TAS2R1: variants seen among roughly 807,000 people sequenced by gnomAD.
The protein encoded by TAS2R1 is taste 2 receptor member 1.
For missense variants in TAS2R1, 370 were observed against 353.4 expected (o/e 1.05, Z -0.38); for synonymous variants, 141 against 134.2 (o/e 1.05, Z -0.35).
At chr5:9,892,872 CCTTAT>C in the TAS2R1 span, among the ~76,000 whole-genome samples, 1 of 152,132 alleles carries the variant, frequency 6.6e-6, no homozygotes, top group African/African-American at 2.4e-5. Flanking sequence ...ATTTCTATTC[CCTTAT>C]CTTTTCACAG....
At chr5:9,861,043 T>TTTTTTTTTTTTTTTTTTTTTG in the TAS2R1 span, among the ~76,000 whole-genome samples, 1 of 149,426 alleles carries the variant, frequency 6.7e-6, no homozygotes. Context: ...TGAGGTTTTT[T>TTTTTTTTTTTTTTTTTTTTTG]TTTTTTTTTG....
the TAS2R1 span, among the ~76,000 whole-genome samples, chr5:9,893,610 A>T: frequency 6.6e-6 from 1 of 152,126 alleles, no homozygotes; most frequent in Non-Finnish European, 1.5e-5. Context: ...TAATAAAAAA[A>T]ATTCCAACAG....
intron 2 of TAS2R1, among the ~76,000 whole-genome samples, chr5:9,650,268 C>T (rs1054820013): frequency 4.7e-5 from 7 of 150,370 alleles, no homozygotes; most frequent in Non-Finnish European, 8.9e-5. Context: ...CCAAAGGAAA[C>T]TTTTTTCAAA....
chr5:9,635,107 T>C (rs1259967945), upstream of TAS2R1, among the ~76,000 whole-genome samples: 2 of 152,160 alleles, frequency 1.3e-5, no homozygotes, highest in South Asian at 2.1e-4. Context: ...TTTATTATCT[T>C]GAGGTATGTC....
chr5:9,866,418 T>C, the TAS2R1 span, among the ~76,000 whole-genome samples: 2 of 152,240 alleles, frequency 1.3e-5, no homozygotes, highest in South Asian at 4.1e-4. Flanking sequence ...TTTGTACACC[T>C]GTTTTATTTT....
chr5:9,798,740 T>C, the TAS2R1 span, among the ~76,000 whole-genome samples: 1 of 152,220 alleles, frequency 6.6e-6, no homozygotes, highest in Non-Finnish European at 1.5e-5. Context: ...AGGCTTGAAG[T>C]CCGCTTTGGT....
At chr5:9,759,658 C>T in the TAS2R1 span, among the ~76,000 whole-genome samples, 1 of 152,142 alleles carries the variant, frequency 6.6e-6, no homozygotes, top group African/African-American at 2.4e-5. Context: ...TACTCAGTGC[C>T]TTCAAGTAAA....
chr5:9,746,265 A>G, the TAS2R1 span, among the ~76,000 whole-genome samples: 2 of 152,206 alleles, frequency 1.3e-5, no homozygotes, highest in Admixed American at 6.5e-5. Context: ...GTCAGGAAAC[A>G]ACAGGTGCTG....
intron 1 of TAS2R1, among the ~76,000 whole-genome samples, chr5:9,697,323 G>GA (rs1163127321): frequency 6.6e-6 from 1 of 152,022 alleles, no homozygotes; most frequent in Non-Finnish European, 1.5e-5. Flanking sequence ...TTTAGAGGTA[G>GA]ATCATTTTAT....
At chr5:9,809,957 G>A in the TAS2R1 span, among the ~76,000 whole-genome samples, 5 of 152,202 alleles carry the variant, frequency 3.3e-5, no homozygotes, top group Non-Finnish European at 7.3e-5. Flanking sequence ...GATACTTTCA[G>A]GCTGATTGTG....
chr5:9,710,361 G>A (rs1394892733), intron 1 of TAS2R1, among the ~76,000 whole-genome samples: 1 of 152,224 alleles, frequency 6.6e-6, no homozygotes, highest in Admixed American at 6.5e-5. Context: ...AATTCATTGA[G>A]TGCCCTCCAC....
intron 1 of TAS2R1, among the ~76,000 whole-genome samples, chr5:9,682,913 A>G (rs960003716): frequency 1.3e-5 from 2 of 152,174 alleles, no homozygotes; most frequent in Non-Finnish European, 2.9e-5. Context: ...TTGACTAGAA[A>G]ATTACATAAT....
chr5:9,702,063 T>C (rs1741499273), intron 1 of TAS2R1, among the ~76,000 whole-genome samples: 1 of 152,186 alleles, frequency 6.6e-6, no homozygotes. Flanking sequence ...TAGAGCTGTA[T>C]GTTTTAGGTT....
the TAS2R1 span, among the ~76,000 whole-genome samples, chr5:9,761,587 G>A: frequency 6.6e-6 from 1 of 152,154 alleles, no homozygotes; most frequent in Admixed American, 6.5e-5. Flanking sequence ...TTACTTATGT[G>A]TTCCATTTGT....
chr5:9,730,055 A>AT, the TAS2R1 span, among the ~76,000 whole-genome samples: 3,154 of 152,266 alleles, frequency 0.021, 102 homozygotes, highest in African/African-American at 0.069. Context: ...GCTCATTTTT[A>AT]TTTTTTAAAT....
At chr5:9,898,575 C>G in the TAS2R1 span, among the ~76,000 whole-genome samples, 1 of 152,208 alleles carries the variant, frequency 6.6e-6, no homozygotes, top group Non-Finnish European at 1.5e-5. Flanking sequence ...CCACAGAAAT[C>G]AATGTTTCTT....
chr5:9,804,874 G>A, the TAS2R1 span, among the ~76,000 whole-genome samples: 2 of 151,644 alleles, frequency 1.3e-5, no homozygotes, highest in Admixed American at 6.6e-5. Flanking sequence ...CCCAGGAGAA[G>A]AAAAGAAATA....
At chr5:9,782,456 T>TGGGGC in the TAS2R1 span, among the ~76,000 whole-genome samples, 43 of 3,248 alleles carry the variant, frequency 0.013, no homozygotes, top group Admixed American at 0.037. Flanking sequence ...TCCTGATGGG[T>TGGGGC]GGGGCGGGGC....
intron 2 of TAS2R1, among the ~76,000 whole-genome samples, chr5:9,649,267 G>C (rs1346189204): frequency 6.6e-6 from 1 of 152,134 alleles, no homozygotes; most frequent in East Asian, 1.9e-4. Context: ...GTTTCTGAAA[G>C]CTAAGAGCTG....
Sources: gnomAD v4.1 joint callset for allele counts (sites outside exome capture counted in the v4.1 genomes callset) on GRCh38, gnomAD v4.1.1 for gene constraint, MANE v1.5 for transcripts, NCBI Gene and HGNC (gene_info 2026-07-23, HGNC 2026-07-21) for gene names.